NNT: variants seen among roughly 807,000 people sequenced by gnomAD.
NNT encodes nicotinamide nucleotide transhydrogenase.
In NNT, 50 loss-of-function variants were observed where a neutral mutation model predicts 104.8. The observed-to-expected ratio is 0.48, with a 90% confidence interval of 0.38 to 0.60. The LOEUF (loss-of-function observed/expected upper bound fraction) is 0.60. Among genes scored for constraint, NNT ranks in the 20% least tolerant of loss-of-function variants. The pLI is 0.00. For missense variants in NNT, 1,131 were observed against 1,330.7 expected, an observed-to-expected ratio of 0.85 and a Z score of 2.33; for synonymous variants, 461 against 490.4, an observed-to-expected ratio of 0.94 and a Z score of 0.79.
intron 7 of NNT, among the ~76,000 whole-genome samples, chr5:43,632,609 T>G (rs898104505): frequency 2.0e-5 from 3 of 152,178 alleles, no homozygotes; most frequent in African/African-American, 7.2e-5. Flanking sequence ...GGTGAGAATT[T>G]CACTTAATGC....
intron 17 of NNT, among the ~76,000 whole-genome samples, chr5:43,662,662 G>T (rs1038226205): frequency 6.6e-6 from 1 of 152,164 alleles, no homozygotes; most frequent in Admixed American, 6.5e-5. Flanking sequence ...GGAGGCTAAG[G>T]CAGGTGGATC....
chr5:43,612,968 G>A lies in NNT; in HGVS notation c.212G>A (p.Arg71Gln). ...AAAGAGATATTCCAAAATGAGAAGC[G>A]AGTGGCATTGTCTCCTGCTGGTGTT... ...VPKEIFQNEK[R>Q]VALSPAGVQN... Residue 71 changes from arginine (R) to glutamine (Q), a missense_variant, in exon 3 of 22, where the codon CGA becomes CAA. Coordinates refer to ENST00000344920, the MANE Select transcript of NNT (RefSeq NM_182977.3). The A allele has an allele frequency of 3.7e-6, 6 of 1,614,032 alleles. No individual in the cohort carries two copies. Among genetic ancestry groups the A allele is most frequent in the Non-Finnish European group, 5.1e-6 (6 of 1,180,012 alleles).
At chr5:43,627,842 T>C (rs1187521049) in intron 6 of NNT, among the ~76,000 whole-genome samples, 5 of 152,178 alleles carry the variant, frequency 3.3e-5, no homozygotes, top group African/African-American at 1.2e-4. Context: ...AACCTCATCC[T>C]GAGTGATTTG....
At chr5:43,679,627 C>G (rs1227338306) in intron 19 of NNT, among the ~76,000 whole-genome samples, 3 of 152,144 alleles carry the variant, frequency 2.0e-5, no homozygotes, top group African/African-American at 4.8e-5. Context: ...TGTTTCTGAT[C>G]TGATTAAAAT....
chr5:43,677,823 G>A lies in NNT; in HGVS notation c.2876+17G>A, dbSNP rs768014190. Reference sequence around the variant, plus strand: ...AAAAGTCAGGTAAGCGTTTGCAGTGGAGAGGCTTGCACTATGTGTAAAGAT... The same window carrying A: ...AAAAGTCAGGTAAGCGTTTGCAGTGAAGAGGCTTGCACTATGTGTAAAGAT... On this transcript the variant is annotated intron_variant, in intron 19 of 21. Transcript: ENST00000344920. The A allele has an allele frequency of 1.3e-6, 2 of 1,592,564 alleles. No homozygotes were observed. Among genetic ancestry groups the A allele is most frequent in the Non-Finnish European group, 1.7e-6 (2 of 1,160,564 alleles).
chr5:43,669,779 G>T (rs546716769), intron 17 of NNT, among the ~76,000 whole-genome samples: 44 of 152,160 alleles, frequency 2.9e-4, no homozygotes, highest in African/African-American at 1.0e-3. Flanking sequence ...TTGGTATCAG[G>T]ATGATGCTGG....
chr5:43,636,843 C>G (rs563679959), intron 7 of NNT, among the ~76,000 whole-genome samples: 1 of 152,120 alleles, frequency 6.6e-6, no homozygotes, highest in African/African-American at 2.4e-5. Context: ...TAAGTTAATC[C>G]TTTCAAAATT....
At chr5:43,619,159 A>T in intron 5 of NNT, 40 bp downstream of exon 5, 1 of 1,219,014 alleles carries the variant, frequency 8.2e-7, no homozygotes, top group Non-Finnish European at 1.1e-6. Flanking sequence ...ATATGCATTG[A>T]TTAAAGGAAA....
intron 17 of NNT, among the ~76,000 whole-genome samples, chr5:43,670,899 T>C (rs1741033009): frequency 6.6e-6 from 1 of 152,160 alleles, no homozygotes; most frequent in African/African-American, 2.4e-5. Context: ...AGTCTTCCGT[T>C]ATTATTGTAT....
chr5:43,614,864 G>A (rs565721512), intron 3 of NNT, among the ~76,000 whole-genome samples: 5 of 152,284 alleles, frequency 3.3e-5, no homozygotes, highest in Admixed American at 6.5e-5. Flanking sequence ...ATGGCCGGGC[G>A]CAGTGGCTCA....
At chr5:43,686,437 G>A (rs935574449) in intron 19 of NNT, among the ~76,000 whole-genome samples, 3 of 151,896 alleles carry the variant, frequency 2.0e-5, no homozygotes, top group Admixed American at 6.6e-5. Flanking sequence ...GGAGCCCAAC[G>A]TTTATAATTA....
At chr5:43,651,181 A>C (rs1580045578) in intron 12 of NNT, among the ~76,000 whole-genome samples, 1 of 152,246 alleles carries the variant, frequency 6.6e-6, no homozygotes, top group African/African-American at 2.4e-5. Flanking sequence ...CCTTTTAGTC[A>C]TGCAGAAATA....
intron 17 of NNT, among the ~76,000 whole-genome samples, chr5:43,669,105 G>T (rs1009239874): frequency 1.3e-5 from 2 of 152,190 alleles, no homozygotes; most frequent in African/African-American, 4.8e-5. Flanking sequence ...GTATAAGACT[G>T]CTTGTGATTT....
intron 1 of NNT, among the ~76,000 whole-genome samples, chr5:43,607,487 CT>C (rs1378280745): frequency 6.6e-6 from 1 of 152,186 alleles, no homozygotes; most frequent in Non-Finnish European, 1.5e-5. Flanking sequence ...TGCCCCACCC[CT>C]ATCTGTCTTT....
At chr5:43,652,210 A>T (rs1580047930) in intron 13 of NNT, among the ~76,000 whole-genome samples, 1 of 152,356 alleles carries the variant, frequency 6.6e-6, no homozygotes, top group East Asian at 1.9e-4. Flanking sequence ...TGGATTTATA[A>T]TGAAACAATA....
chr5:43,673,176 C>G (rs1006030787), intron 17 of NNT, among the ~76,000 whole-genome samples: 3 of 152,192 alleles, frequency 2.0e-5, no homozygotes, highest in Non-Finnish European at 4.4e-5. Context: ...TCCGGGTGCC[C>G]TCCATCACCG....
chr5:43,666,985 G>C (rs1351239760), intron 17 of NNT: 1 of 1,595,360 alleles, frequency 6.3e-7, no homozygotes. Flanking sequence ...TGGGATCTTG[G>C]GCTTAACCTC....
chr5:43,648,139 G>A lies in NNT; in HGVS notation c.1445-1008G>A, dbSNP rs1016274081. 12 of 1,176,080 alleles carry A rather than the reference G, an allele frequency of 1.0e-5. No homozygotes were observed. In the East Asian group the frequency reaches 4.6e-4, roughly 45 times the overall value. The allele number at this position is 1,176,080 out of a possible 1,614,324, so 72.9% of individuals were successfully genotyped here. A position where few individuals can be genotyped will look rare whatever the true frequency, so the allele number is the denominator to read the frequency against. ...GTTGTATCTAACTCTCTCACCAGAT[G>A]GTTAATGGGCTATGCACTGGAACTT... On this transcript the variant is annotated intron_variant, in intron 10 of 21. Coordinates refer to ENST00000344920, the MANE Select transcript of NNT (RefSeq NM_182977.3).
chr5:43,643,590 G>A (rs1167670375), intron 7 of NNT, among the ~76,000 whole-genome samples: 1 of 152,162 alleles, frequency 6.6e-6, no homozygotes, highest in African/African-American at 2.4e-5. Context: ...AAGTGTATGA[G>A]GGAACTCCTA....
Sources: allele counts gnomAD v4.1 joint callset (sites outside exome capture counted in the v4.1 genomes callset), GRCh38; gene constraint gnomAD v4.1.1; transcripts MANE v1.5; gene names NCBI Gene and HGNC (gene_info 2026-07-23, HGNC 2026-07-21).